The following ZNF548 variants were observed in gnomAD, a reference collection of about 807,000 sequenced individuals.
ZNF548 encodes the protein zinc finger protein 548.
In ZNF548, 10 loss-of-function variants were observed where a neutral mutation model predicts 10.2. The ratio of observed to expected loss-of-function variants is 0.98; its 90% CI spans 0.60 to 1.66. The LOEUF is 1.66. Among genes scored for constraint, ZNF548 ranks in the 40% most tolerant of loss-of-function variants. The pLI is 0.00. For synonymous variants in ZNF548, 217 were observed against 223.5 expected (o/e 0.97, Z 0.26); for missense variants, 599 against 657.0 (o/e 0.91, Z 0.97).
rs1358205777 is a variant in ZNF548 at position 57,402,042 on chromosome 19, G to A, written c.*2153G>A. The A allele has an allele frequency of 6.6e-6, 1 of 152,098 alleles. No individual in the cohort carries two copies. Among genetic ancestry groups the A allele is most frequent in the Non-Finnish European group, 1.5e-5 (1 of 68,022 alleles). 9.4% of individuals were successfully genotyped at this position (152,098 alleles called of 1,614,324 possible). A position where few individuals can be genotyped will look rare whatever the true frequency, so the allele number is the denominator to read the frequency against. ...GCAGGAGTTGTAATGCACTGTGCCT[G>A]GCTACATTTAGATCTTTAATCTACT... On this transcript the variant is annotated 3_prime_UTR_variant, in exon 4 of 4. Coordinates refer to ENST00000336128, the MANE Select transcript of ZNF548 (RefSeq NM_001172773.2).
At chr19:57,391,022 A>G (rs969173856) in intron 1 of ZNF548, among the ~76,000 whole-genome samples, 2 of 152,176 alleles carry the variant, frequency 1.3e-5, no homozygotes, top group Non-Finnish European at 2.9e-5. Flanking sequence ...ATATATTTGC[A>G]TAGTGGTCAA....
At chr19:57,396,345 T>C (rs1183310068) in intron 2 of ZNF548, among the ~76,000 whole-genome samples, 1 of 152,206 alleles carries the variant, frequency 6.6e-6, no homozygotes, top group Non-Finnish European at 1.5e-5. Flanking sequence ...ATTCCTTTTC[T>C]ACCTTATCTT....
At chr19:57,397,935 C>T (rs2088678782) in intron 3 of ZNF548, among the ~76,000 whole-genome samples, 1 of 152,190 alleles carries the variant, frequency 6.6e-6, no homozygotes. Flanking sequence ...GGCCCCTGCA[C>T]CTCCAATGCC....
rs191853053 is a variant in ZNF548 at position 57,399,643 on chromosome 19, A to G, written c.1392A>G (p.Arg464=). 505 of 1,614,008 alleles carry G rather than the reference A, an allele frequency of 3.1e-4. 4 individuals carry two copies. In the African/African-American group the frequency reaches 4.5e-3, roughly 14 times the overall value. ...NHTGERPYEC[R]ECGKAFSHKH... The stretch of plus-strand genomic sequence containing the variant: ...CTGGAGAAAGGCCTTACGAGTGCAG[A>G]GAGTGTGGGAAAGCCTTTAGCCACA... The change falls in exon 4 of 4, where the codon AGA becomes AGG. Residue 464 remains arginine, a synonymous_variant. Coordinates refer to ENST00000336128, the MANE Select transcript of ZNF548 (RefSeq NM_001172773.2). This position sits in a 1 kb window ranked among gnomAD's most constrained non-coding sequence, Gnocchi z 4.0.
At position 57,393,999 on chromosome 19, in the gene ZNF548, G is replaced by A. The variant is rs888593551; in HGVS notation, c.16-189G>A. Reference sequence around the variant, plus strand: ...TTCTTGCAATCTATTTACAGATGGAGACACTGAAGCTCAGGTGGGTTTGGT... The same window carrying A: ...TTCTTGCAATCTATTTACAGATGGAAACACTGAAGCTCAGGTGGGTTTGGT... On this transcript the variant is annotated intron_variant, in intron 1 of 3. Transcript: ENST00000336128. 4 of 658,080 alleles carry A rather than the reference G, an allele frequency of 6.1e-6. No homozygotes were observed. The East Asian group carries it at 1.1e-4, about 18-fold the overall frequency. 40.8% of individuals were successfully genotyped at this position (658,080 alleles called of 1,614,324 possible).
At chr19:57,396,881 T>C (rs1288730301) in intron 2 of ZNF548, 167 bp from the exon 3 acceptor site, 1 of 999,458 alleles carries the variant, frequency 1.0e-6, no homozygotes, top group African/African-American at 1.6e-5. Flanking sequence ...AAATATTGGC[T>C]TGGTTTGAGA....
chr19:57,396,867 C>G (rs116802011), intron 2 of ZNF548, 181 bp from the exon 3 acceptor site: 2 of 846,130 alleles, frequency 2.4e-6, no homozygotes, highest in Non-Finnish European at 3.6e-6. Flanking sequence ...ATTTAGAGTA[C>G]GGGAAATATT....
Position 57,394,219 on chromosome 19 carries a change from C to A in ZNF548, c.47C>A (p.Thr16Lys). ...GPLAMAEMDP[T>K]QGRVVFEDVA... ...CTGGCGATGGCAGAAATGGACCCTA[C>A]ACAGGTGAGTAGAGTGTTTCCTACT... The change falls in exon 2 of 4, where the codon ACA becomes AAA. Residue 16 changes from threonine (T) to lysine (K), a missense_variant. By Grantham distance (78) the Thr-to-Lys change is moderately conservative (BLOSUM62 -1). Transcript: ENST00000336128. 6.2e-7 allele frequency: 1 copy of A among 1,604,348 alleles called. No homozygotes were observed. The highest frequency in any genetic ancestry group is 8.5e-7 in the Non-Finnish European group (1 of 1,179,452).
In ZNF548 at chr19:57,395,943, C is replaced by T. The variant is rs867285896; in HGVS notation, c.52-1105C>T. Among the ~76,000 whole-genome samples the T allele has an allele frequency of 6.6e-6, 1 of 151,898 alleles. No individual in the cohort carries two copies. The highest frequency in any genetic ancestry group is 2.4e-5 in the African/African-American group (1 of 41,362). On this transcript the variant is annotated intron_variant, in intron 2 of 3. Transcript: ENST00000336128. The surrounding 1 kb of genome is among the most constrained non-coding windows in gnomAD (Gnocchi z 4.8). The stretch of plus-strand genomic sequence containing the variant: ...GAAACAGGGCCGTGTAGGGAACCTT[C>T]AACCCAGGGCTTAGGGCTGCCCCCG...
At chr19:57,392,094 C>T (rs2088631167) in intron 1 of ZNF548, among the ~76,000 whole-genome samples, 1 of 152,182 alleles carries the variant, frequency 6.6e-6, no homozygotes, top group South Asian at 2.1e-4. Flanking sequence ...CCACCGCGCC[C>T]AGCCCTGTGC....
chr19:57,398,288 C>G, intron 3 of ZNF548, 142 bp from the exon 4 acceptor site: 882 of 1,405,100 alleles, frequency 6.3e-4, no homozygotes, highest in Middle Eastern at 1.0e-3. Flanking sequence ...GCATAGTGGA[C>G]CCTCCTCTCA....
intron 3 of ZNF548, 123 bp downstream of exon 3, chr19:57,397,297 A>G (rs773210059): frequency 7.2e-7 from 1 of 1,382,444 alleles, no homozygotes; most frequent in South Asian, 1.9e-5. Context: ...GTTTCTTGGC[A>G]TATATGCTGT....
Position 57,394,238 on chromosome 19 carries a change from T to G in ZNF548, c.51+15T>G. On this transcript the variant is annotated intron_variant, in intron 2 of 3. Transcript: ENST00000336128. ...ACCCTACACAGGTGAGTAGAGTGTT[T>G]CCTACTATTCACCCACCCTGGTTAT... The G allele has an allele frequency of 6.2e-7, 1 of 1,600,938 alleles. No homozygotes were observed.
At chr19:57,398,236 A>G (rs2088681156) in intron 3 of ZNF548, among the ~76,000 whole-genome samples, 194 bp from the exon 4 acceptor site, 1 of 152,182 alleles carries the variant, frequency 6.6e-6, no homozygotes, top group African/African-American at 2.4e-5. Flanking sequence ...GCTTACCATC[A>G]TCAGGGCTCT....
intron 2 of ZNF548, chr19:57,396,832 T>C: frequency 1.8e-6 from 1 of 565,560 alleles, no homozygotes; most frequent in Non-Finnish European, 3.0e-6. Context: ...CTGTCCCTAG[T>C]TTTGCAGTAC....
chr19:57,393,772 T>G (rs1454629386), intron 1 of ZNF548, among the ~76,000 whole-genome samples: 1 of 151,576 alleles, frequency 6.6e-6, no homozygotes, highest in Non-Finnish European at 1.5e-5. Context: ...TTAATTTATC[T>G]CGTTTGCTTT....
In ZNF548 at chr19:57,398,575, T is replaced by G. The variant is rs1424012239; in HGVS notation, c.324T>G (p.Ile108Met). The change falls in exon 4 of 4, where the codon ATT becomes ATG. Residue 108 changes from isoleucine to methionine, a missense_variant. Ile to Met is a conservative substitution (Grantham distance 10). Coordinates refer to ENST00000336128, the MANE Select transcript of ZNF548 (RefSeq NM_001172773.2). ...CATGTGGCCCACCCTTGAAAGACAT[T>G]CTGTGCCTGGTTGAGCACAATGGAA... ...SETCGPPLKDILCLVEHNGIH... is the reference protein window; with the variant it reads ...SETCGPPLKDMLCLVEHNGIH... 6.2e-7 allele frequency: 1 copy of G among 1,613,948 alleles called. No homozygotes were observed. Among genetic ancestry groups the G allele is most frequent in the East Asian group, 2.2e-5 (1 of 44,900 alleles).
At position 57,399,866 on chromosome 19, in the gene ZNF548, A is replaced by T. The variant is rs756502493; in HGVS notation, c.1615A>T (p.Thr539Ser). The change falls in exon 4 of 4, where the codon ACA (threonine) becomes TCA (serine). Residue 539 changes from threonine to serine, a missense_variant. Transcript: ENST00000336128. The surrounding 1 kb of genome is among the most constrained non-coding windows in gnomAD (Gnocchi z 4.0). Reference sequence around the variant, plus strand: ...AACCTCATTAAACATCAGAGATTTCACAATGGAGAAAGTTTACCATTGACT... The same window carrying T: ...AACCTCATTAAACATCAGAGATTTCTCAATGGAGAAAGTTTACCATTGACT... ...TPTSLNIRDFTMEKVYH is the reference protein window; with the variant it reads ...TPTSLNIRDFSMEKVYH 3 of 1,601,130 alleles carry T rather than the reference A, an allele frequency of 1.9e-6. No homozygotes were observed. In the Admixed American group the frequency reaches 5.1e-5, roughly 27 times the overall value.
intron 2 of ZNF548, among the ~76,000 whole-genome samples, chr19:57,394,880 C>T (rs1433326038): frequency 1.3e-5 from 2 of 151,940 alleles, no homozygotes; most frequent in Admixed American, 6.6e-5. Context: ...TCAGGAGTGG[C>T]CCCATGGTTT....
Sources: gnomAD v4.1 joint callset for allele counts (sites outside exome capture counted in the v4.1 genomes callset) on GRCh38, gnomAD v4.1.1 for gene constraint, Gnocchi (gnomAD v3.1) non-coding constraint, MANE v1.5 for transcripts, NCBI Gene and HGNC (gene_info 2026-07-23, HGNC 2026-07-21) for gene names.